The following SIN3A variants were observed in gnomAD, a reference collection of about 807,000 sequenced individuals.
The protein encoded by SIN3A is paired amphipathic helix protein Sin3a.
In SIN3A, 14 loss-of-function variants were observed where a neutral mutation model predicts 146.1. The observed-to-expected ratio is 0.10, with a 90% CI of 0.06 to 0.15. SIN3A has a LOEUF of 0.15. Ranked by LOEUF, SIN3A falls within the 10% of genes least tolerant of loss-of-function variation. SIN3A has a pLI of 1.00. For missense variants in SIN3A, 1,028 were observed against 1,576.0 expected (o/e 0.65, Z 5.89); for synonymous variants, 572 against 572.0 (o/e 1.00, Z 0.00).
intron 8 of SIN3A, among the ~76,000 whole-genome samples, chr15:75,408,158 A>C (rs890919388): frequency 6.6e-6 from 1 of 152,176 alleles, no homozygotes; most frequent in Non-Finnish European, 1.5e-5. Flanking sequence ...TAGGCGGAGA[A>C]TTTTAAGCCC....
At chr15:75,455,558 C>G (rs2074476854), upstream of SIN3A, 1 of 152,498 alleles carries the variant, frequency 6.6e-6, no homozygotes, top group Admixed American at 6.5e-5. Flanking sequence ...CCCACGGCTC[C>G]GGCCAGGCTG....
rs1159960960 is a variant in SIN3A at position 75,451,572 on chromosome 15, G to A, written c.-183C>T. The A allele has an allele frequency of 6.8e-6, 1 of 147,836 alleles. No individual in the cohort carries two copies. The highest frequency in any genetic ancestry group is 1.5e-5 in the Non-Finnish European group (1 of 66,658). 9.2% of individuals were successfully genotyped at this position (147,836 alleles called of 1,614,324 possible). A position where few individuals can be genotyped will look rare whatever the true frequency, so the allele number is the denominator to read the frequency against. On this transcript the variant is annotated 5_prime_UTR_variant, in exon 1 of 21. Transcript: ENST00000394947. ...CACTAACGAAGCGGTCACAGGCTCC[G>A]GTGCCCAGACTGGGAAGGAGGGAGG...
At chr15:75,391,186 G>C (rs1008584142) in intron 15 of SIN3A, among the ~76,000 whole-genome samples, 2 of 152,136 alleles carry the variant, frequency 1.3e-5, no homozygotes, top group South Asian at 4.1e-4. Flanking sequence ...CTGCTTTTAT[G>C]CCAGAATAAA....
intron 2 of SIN3A, among the ~76,000 whole-genome samples, chr15:75,425,131 G>A (rs1277815696): frequency 6.6e-6 from 1 of 152,154 alleles, no homozygotes; most frequent in African/African-American, 2.4e-5. Context: ...CAAAATGTTG[G>A]CATTTAATCT....
At position 75,384,355 on chromosome 15, in the gene SIN3A, C is replaced by A; in HGVS notation, c.3104G>T (p.Gly1035Val). ...CCTTGAGTTCTGTGTGTTCAGCTGG[C>A]CTCCGGTGGCCCCATTATTATTTTC... ...LAENNNGATG[G>V]QLNTQNSRSL... The change falls in exon 17 of 21, where the codon GGC (glycine) becomes GTC (valine). Residue 1035 changes from glycine to valine, a missense_variant. Coordinates refer to ENST00000394947, the MANE Select transcript of SIN3A (RefSeq NM_001145358.2). 1 of 1,613,726 alleles carries A rather than the reference C, an allele frequency of 6.2e-7. No homozygotes were observed. Among genetic ancestry groups the A allele is most frequent in the Non-Finnish European group, 8.5e-7 (1 of 1,179,696 alleles).
rs750514162 is a variant in SIN3A at position 75,394,915 on chromosome 15, G to A, written c.2094-52C>T. ...AACACATGGGAATTCAGAGGGTTTA[G>A]AAGAAAGAAATTTGCCAGGCTTACT... On this transcript the variant is annotated intron_variant, in intron 13 of 20. Coordinates refer to ENST00000394947, the MANE Select transcript of SIN3A (RefSeq NM_001145358.2). 12 of 1,533,584 alleles carry A rather than the reference G, an allele frequency of 7.8e-6. No homozygotes were observed. The Admixed American group carries it at 2.5e-4, about 31-fold the overall frequency. 95.0% of individuals were successfully genotyped at this position (1,533,584 alleles called of 1,614,324 possible). A position where few individuals can be genotyped will look rare whatever the true frequency, so the allele number is the denominator to read the frequency against.
intron 3 of SIN3A, chr15:75,422,391 G>A (rs2073854426): frequency 5.0e-6 from 3 of 602,034 alleles, no homozygotes; most frequent in African/African-American, 3.7e-5. Context: ...TATTAAAATG[G>A]CCCCACAATC....
At chr15:75,380,883 TG>T (rs2072951798) in intron 18 of SIN3A, 160 bp from the exon 19 acceptor site, 1 of 581,218 alleles carries the variant, frequency 1.7e-6, no homozygotes, top group South Asian at 1.9e-5. Context: ...TAGTAGGTAT[TG>T]GAACACGGAT....
chr15:75,434,587 T>A (rs1332351992), intron 1 of SIN3A, among the ~76,000 whole-genome samples: 2 of 141,866 alleles, frequency 1.4e-5, no homozygotes, highest in South Asian at 2.3e-4. Context: ...GAGGTGGAGG[T>A]TGCAGTGAGC....
intron 12 of SIN3A, 81 bp from the exon 13 acceptor site, chr15:75,396,577 G>C: frequency 1.0e-6 from 1 of 1,004,328 alleles, no homozygotes. Context: ...ATAAGGTAGG[G>C]AGTCAAACTC....
At chr15:75,409,729 A>C (rs1350432001) in intron 8 of SIN3A, 107 bp downstream of exon 8, 1 of 1,342,930 alleles carries the variant, frequency 7.4e-7, no homozygotes, top group African/African-American at 1.5e-5. Context: ...TCGGTCTCAA[A>C]AAAACAAAAA....
At position 75,443,232 on chromosome 15, in the gene SIN3A, C is replaced by CA. The variant is rs561445947; in HGVS notation, c.-34+8190dup. ...GTTCCTCTGAAATGTCTTCTGTAGT[C>CA]AGTTTTCTTCTCTTTGCCATTATAG... On this transcript the variant is annotated intron_variant, in intron 1 of 20. Coordinates refer to ENST00000394947, the MANE Select transcript of SIN3A (RefSeq NM_001145358.2). Among the ~76,000 whole-genome samples the CA allele has an allele frequency of 5.3e-5, 8 of 152,292 alleles. No individual in the cohort carries two copies. The East Asian group carries it at 1.5e-3, about 29-fold the overall frequency.
intron 1 of SIN3A, among the ~76,000 whole-genome samples, chr15:75,440,704 C>T (rs919167045): frequency 6.6e-6 from 1 of 151,838 alleles, no homozygotes; most frequent in Non-Finnish European, 1.5e-5. Context: ...AACAAGGGGT[C>T]GGGCGCGGTG....
At chr15:75,442,057 T>C (rs527549571) in intron 1 of SIN3A, among the ~76,000 whole-genome samples, 4 of 125,366 alleles carry the variant, frequency 3.2e-5, no homozygotes, top group South Asian at 5.0e-4. Context: ...GAGGCAGAGG[T>C]TGCAGTGAGC....
chr15:75,411,045 T>A (rs193277340), intron 6 of SIN3A, among the ~76,000 whole-genome samples: 1 of 139,918 alleles, frequency 7.1e-6, no homozygotes, highest in Non-Finnish European at 1.5e-5. Flanking sequence ...ACTGGCTTTA[T>A]AGCATGGGGG....
intron 1 of SIN3A, among the ~76,000 whole-genome samples, chr15:75,431,339 A>G (rs1005007291): frequency 6.6e-6 from 1 of 152,220 alleles, no homozygotes; most frequent in Admixed American, 6.5e-5. Context: ...AACAGTTATA[A>G]GAAGAGATTC....
intron 1 of SIN3A, among the ~76,000 whole-genome samples, chr15:75,448,408 C>T (rs973680919): frequency 4.0e-5 from 6 of 151,388 alleles, no homozygotes; most frequent in Non-Finnish European, 7.4e-5. Flanking sequence ...GCAGGACAAT[C>T]GCTAGAACCC....
chr15:75,385,609 C>T (rs1278408773), intron 16 of SIN3A, among the ~76,000 whole-genome samples: 3 of 152,128 alleles, frequency 2.0e-5, no homozygotes, highest in African/African-American at 7.2e-5. Context: ...AAGAAGAAAG[C>T]AAAACGTTAA....
chr15:75,443,832 G>A (rs1391075648), intron 1 of SIN3A: 1 of 152,234 alleles, frequency 6.6e-6, no homozygotes, highest in Non-Finnish European at 1.5e-5. Context: ...GATCACTTGA[G>A]CCCAGAAGTT....
Sources: gnomAD v4.1 joint callset for allele counts (sites outside exome capture counted in the v4.1 genomes callset) on GRCh38, gnomAD v4.1.1 for gene constraint, MANE v1.5 for transcripts, NCBI Gene and HGNC (gene_info 2026-07-23, HGNC 2026-07-21) for gene names.